The following USP33 variants were observed in gnomAD, a reference collection of about 807,000 sequenced individuals.
USP33 encodes ubiquitin specific peptidase 33.
USP33 carries 46 observed loss-of-function variants against 124.2 expected under a neutral mutation model. The observed-to-expected ratio is 0.37, with a 90% confidence interval of 0.29 to 0.47. The LOEUF (loss-of-function observed/expected upper bound fraction) is 0.47, where lower values mean the gene tolerates loss of function less well. Among genes scored for constraint, USP33 ranks in the 20% least tolerant of loss-of-function variants. The pLI is 0.99. For missense variants in USP33, 851 were observed against 1,070.6 expected, an observed-to-expected ratio of 0.79 and a Z score of 2.86; for synonymous variants, 350 against 352.3, an observed-to-expected ratio of 0.99 and a Z score of 0.07.
At chr1:77,705,610 C>T (rs567598438) in intron 21 of USP33, among the ~76,000 whole-genome samples, 1 of 152,108 alleles carries the variant, frequency 6.6e-6, no homozygotes, top group Non-Finnish European at 1.5e-5. Flanking sequence ...CCCCTATTCT[C>T]AGCCTCCCAA....
intron 4 of USP33, among the ~76,000 whole-genome samples, chr1:77,740,625 G>C (rs1679018042): frequency 6.6e-6 from 1 of 152,142 alleles, no homozygotes; most frequent in African/African-American, 2.4e-5. Context: ...CAAAGTGCTG[G>C]GATTCAGGCG....
intron 11 of USP33, among the ~76,000 whole-genome samples, chr1:77,724,964 C>T (rs1383167087): frequency 6.6e-6 from 1 of 152,088 alleles, no homozygotes; most frequent in African/African-American, 2.4e-5. Flanking sequence ...ACTGCTTGAA[C>T]CTGGCAGGCA....
At chr1:77,726,755 A>C (rs547775802) in intron 10 of USP33, among the ~76,000 whole-genome samples, 1 of 152,300 alleles carries the variant, frequency 6.6e-6, no homozygotes, top group African/African-American at 2.4e-5. Flanking sequence ...AAATCAAGAA[A>C]TGTAGGTATA....
At position 77,723,458 on chromosome 1, in the gene USP33, C is replaced by A. The variant is rs1271379375; in HGVS notation, c.1277-15G>T. 5 of 1,538,396 alleles carry A rather than the reference C, an allele frequency of 3.3e-6. No homozygotes were observed. The highest frequency in any genetic ancestry group is 1.7e-4 in the Middle Eastern group (1 of 5,822). On this transcript the variant is annotated splice_polypyrimidine_tract_variant and intron_variant, in intron 11 of 23. Coordinates refer to ENST00000370794, the MANE Select transcript of USP33 (RefSeq NM_201624.3). ...TGCAGACTGAGCTAGGATTGAAAAA[C>A]ATTAAAAAAAAATCAAAGCAGCTCC... is the stretch of plus-strand genomic sequence containing the variant.
chr1:77,746,694 C>T (rs1679777265), intron 1 of USP33: 1 of 152,246 alleles, frequency 6.6e-6, no homozygotes, highest in African/African-American at 2.4e-5. Flanking sequence ...ATCAAGTTGG[C>T]TTCATCCCTG....
intron 21 of USP33, among the ~76,000 whole-genome samples, chr1:77,709,162 C>A (rs1016993602): frequency 6.6e-6 from 1 of 152,074 alleles, no homozygotes; most frequent in African/African-American, 2.4e-5. Context: ...TTTATTTATA[C>A]CAATATGGAT....
intron 21 of USP33, among the ~76,000 whole-genome samples, chr1:77,707,311 C>G (rs897610305): frequency 1.3e-5 from 2 of 152,180 alleles, no homozygotes; most frequent in African/African-American, 4.8e-5. Context: ...GCCTGTCATG[C>G]TTCTAAAGCT....
chr1:77,717,499 A>C (rs1042168755), intron 17 of USP33: 1 of 152,520 alleles, frequency 6.6e-6, no homozygotes, highest in African/African-American at 2.4e-5. Context: ...CCAAAAAAAA[A>C]AAAAAAATCA....
chr1:77,759,155 G>A (rs1179694167), intron 1 of USP33, among the ~76,000 whole-genome samples: 1 of 152,224 alleles, frequency 6.6e-6, no homozygotes, highest in African/African-American at 2.4e-5. Flanking sequence ...AAAAATTCCA[G>A]GGACGATGAC....
rs375787007 is a variant in USP33, at chr1:77,717,970, C to T, written c.1815G>A (p.Pro605=). The T allele has an allele frequency of 1.9e-6, 3 of 1,613,808 alleles. No individual in the cohort carries two copies. The highest frequency in any genetic ancestry group is 2.5e-6 in the Non-Finnish European group (3 of 1,179,900). The change falls in exon 17 of 24, where the codon CCG becomes CCA. Residue 605 remains proline (P), a synonymous_variant. Transcript: ENST00000370794. The part of the protein sequence containing the change: ...STKISTHVSF[P]LEGLDLQPFL... The stretch of plus-strand genomic sequence containing the variant: ...ATGGCTGAAGATCCAAGCCTTCTAG[C>T]GGAAATGAAACATGGGTACTGATTT...
chr1:77,714,734 A>G lies in USP33; in HGVS notation c.2095T>C (p.Leu699=), dbSNP rs772071112. The G allele has an allele frequency of 5.6e-5, 90 of 1,612,586 alleles. No individual in the cohort carries two copies. Among genetic ancestry groups the G allele is most frequent in the Non-Finnish European group, 7.5e-5 (88 of 1,179,978 alleles). ...QKERRRISNL[L]NIMEPSLLQF... ...AGGAGGCTTGGTTCCATTATGTTCA[A>G]TAAATTTGATATCCTTCTCCTCTCT... is the stretch of plus-strand genomic sequence containing the variant. Residue 699 remains leucine, a synonymous_variant, in exon 19 of 24, where the codon TTG becomes CTG. Coordinates refer to ENST00000370794, the MANE Select transcript of USP33 (RefSeq NM_201624.3).
intron 4 of USP33, among the ~76,000 whole-genome samples, chr1:77,740,486 T>C (rs900992595): frequency 1.3e-5 from 2 of 152,118 alleles, no homozygotes; most frequent in African/African-American, 4.8e-5. Flanking sequence ...CCCGAGTAGC[T>C]GGGATTACAG....
At chr1:77,751,907 C>T (rs892926797) in intron 1 of USP33, among the ~76,000 whole-genome samples, 16 of 152,108 alleles carry the variant, frequency 1.1e-4, no homozygotes, top group Admixed American at 7.2e-4. Flanking sequence ...CCAGGATGGT[C>T]TCGATCTCTT....
chr1:77,723,274 A>G (rs1676783624), intron 12 of USP33, 57 bp downstream of exon 12: 2 of 1,281,912 alleles, frequency 1.6e-6, no homozygotes, highest in African/African-American at 1.5e-5. Context: ...ATCTTGTCAC[A>G]TTTTTAAAAA....
intron 21 of USP33, among the ~76,000 whole-genome samples, chr1:77,702,802 T>G (rs1024851160): frequency 1.3e-5 from 2 of 150,776 alleles, no homozygotes; most frequent in Admixed American, 1.3e-4. Flanking sequence ...CACTTGCAAT[T>G]AAAAAAAAAC....
chr1:77,701,842 G>A (rs547067668), intron 21 of USP33, among the ~76,000 whole-genome samples: 2 of 151,902 alleles, frequency 1.3e-5, no homozygotes, highest in East Asian at 3.9e-4. Context: ...GCTAATTTTT[G>A]TATTTTTAGT....
In USP33 at chr1:77,701,366, T is replaced by C; in HGVS notation, c.2509+3A>G. ...AAAAAAAATTTTTCAGTCAACCACT[T>C]ACCTCCATCTTTACCCTTCACAAAA... is the stretch of plus-strand genomic sequence containing the variant. On this transcript the variant is annotated splice_donor_region_variant and intron_variant, in intron 22 of 23. Coordinates refer to ENST00000370794, the MANE Select transcript of USP33 (RefSeq NM_201624.3). The C allele has an allele frequency of 6.3e-7, 1 of 1,588,400 alleles. No homozygotes were observed. The highest frequency in any genetic ancestry group is 8.5e-7 in the Non-Finnish European group (1 of 1,173,030).
At chr1:77,711,660 A>T (rs541014744) in intron 21 of USP33, 87 bp downstream of exon 21, 2 of 1,535,208 alleles carry the variant, frequency 1.3e-6, no homozygotes, top group East Asian at 2.3e-5. Flanking sequence ...TCTTTCATCT[A>T]ATCATTTTAT....
At position 77,740,890 on chromosome 1, in the gene USP33, G is replaced by A. The variant is rs1177711347; in HGVS notation, c.185C>T (p.Thr62Ile). The part of the protein sequence containing the change: ...GCGESQVDHS[T>I]IHSQETKHYL... Reference sequence around the variant, plus strand: ...TTATATACATACCTGAGAATGTATGGTGCTGTGATCTACTTGTGATTCACC... The same window carrying A: ...TTATATACATACCTGAGAATGTATGATGCTGTGATCTACTTGTGATTCACC... The change falls in exon 4 of 24, where the codon ACC becomes ATC. Residue 62 changes from threonine (T) to isoleucine (I), a missense_variant. By Grantham distance (89) the Thr-to-Ile change is moderately conservative. Coordinates refer to ENST00000370794, the MANE Select transcript of USP33 (RefSeq NM_201624.3). 1.3e-6 allele frequency: 2 copies of A among 1,567,778 alleles called. No homozygotes were observed. Among genetic ancestry groups the A allele is most frequent in the Non-Finnish European group, 1.7e-6 (2 of 1,153,668 alleles).
Sources: allele counts gnomAD v4.1 joint callset (sites outside exome capture counted in the v4.1 genomes callset), GRCh38; gene constraint gnomAD v4.1.1; transcripts MANE v1.5; gene names NCBI Gene and HGNC (gene_info 2026-07-23, HGNC 2026-07-21).